Variants in EVI5 observed in about 807,000 individuals in gnomAD.
EVI5 encodes ecotropic viral integration site 5 protein homolog.
EVI5 carries 73 observed loss-of-function variants against 112.0 expected under a neutral mutation model. The ratio of observed to expected loss-of-function variants is 0.65; its 90% CI spans 0.54 to 0.79. The LOEUF is 0.79. Ranked by LOEUF, EVI5 falls within the 30% of genes least tolerant of loss-of-function variation. EVI5 has a pLI of 0.00. For missense variants in EVI5, 900 were observed against 968.8 expected (o/e 0.93, Z 0.94); for synonymous variants, 305 against 319.9 (o/e 0.95, Z 0.50).
chr1:92,777,720 A>AAC (rs1306943899), intron 1 of EVI5, among the ~76,000 whole-genome samples: 1 of 152,180 alleles, frequency 6.6e-6, no homozygotes, highest in Non-Finnish European at 1.5e-5. Context: ...TGGCAGATTG[A>AAC]ACACACACAC....
intron 2 of EVI5, among the ~76,000 whole-genome samples, chr1:92,724,845 A>G (rs895381621): frequency 2.0e-5 from 3 of 152,096 alleles, no homozygotes; most frequent in African/African-American, 7.2e-5. Flanking sequence ...AAGACTTCAG[A>G]CAACAGGCAG....
chr1:92,618,669 A>G (rs1653789841), intron 16 of EVI5, among the ~76,000 whole-genome samples: 1 of 152,202 alleles, frequency 6.6e-6, no homozygotes, highest in African/African-American at 2.4e-5. Flanking sequence ...GAAAAAAAAC[A>G]TGACCTGCTG....
intron 18 of EVI5, among the ~76,000 whole-genome samples, chr1:92,595,269 C>T (rs1427933372): frequency 6.6e-6 from 1 of 151,562 alleles, no homozygotes; most frequent in Non-Finnish European, 1.5e-5. Flanking sequence ...TTTGTAGGGA[C>T]ATGGATGAAG....
intron 1 of EVI5, among the ~76,000 whole-genome samples, chr1:92,752,235 C>T (rs1034455082): frequency 2.0e-5 from 3 of 152,002 alleles, no homozygotes; most frequent in African/African-American, 7.2e-5. Flanking sequence ...AGTACAGTGG[C>T]ACAATCTCAG....
chr1:92,529,214 G>A (rs1308476720), intron 19 of EVI5, among the ~76,000 whole-genome samples: 1 of 152,098 alleles, frequency 6.6e-6, no homozygotes, highest in African/African-American at 2.4e-5. Context: ...TTAGAAATAG[G>A]AAAAGAATAA....
At chr1:92,577,848 A>G (rs1671315933) in intron 18 of EVI5, among the ~76,000 whole-genome samples, 1 of 152,206 alleles carries the variant, frequency 6.6e-6, no homozygotes, top group South Asian at 2.1e-4. Context: ...TAATATCTTC[A>G]TATTCCACGG....
At chr1:92,602,963 T>C (rs1007359821) in intron 18 of EVI5, among the ~76,000 whole-genome samples, 6 of 152,144 alleles carry the variant, frequency 3.9e-5, no homozygotes, top group Non-Finnish European at 2.9e-5. Flanking sequence ...AAGAAAGTGA[T>C]ACTGAGAATA....
chr1:92,675,883 G>A (rs1339012866), intron 10 of EVI5, among the ~76,000 whole-genome samples: 2 of 151,150 alleles, frequency 1.3e-5, no homozygotes, highest in African/African-American at 2.4e-5. Context: ...GTGCACCTGG[G>A]AGGCGGAGCT....
intron 18 of EVI5, among the ~76,000 whole-genome samples, chr1:92,604,637 T>C (rs1258770407): frequency 2.0e-5 from 3 of 152,170 alleles, no homozygotes; most frequent in African/African-American, 7.2e-5. Context: ...CAACAAATAG[T>C]ATAGCAAACA....
chr1:92,565,250 C>T (rs903464886), intron 18 of EVI5, among the ~76,000 whole-genome samples: 1 of 152,152 alleles, frequency 6.6e-6, no homozygotes, highest in Non-Finnish European at 1.5e-5. Flanking sequence ...TATAATCAAA[C>T]ACACATGAAT....
At chr1:92,724,149 C>T (rs1675192290) in intron 2 of EVI5, among the ~76,000 whole-genome samples, 1 of 152,096 alleles carries the variant, frequency 6.6e-6, no homozygotes, top group South Asian at 2.1e-4. Context: ...GTGACCTACT[C>T]CCTGTTCCAC....
At chr1:92,732,717 A>C (rs1388987112) in intron 2 of EVI5, 1 of 153,000 alleles carries the variant, frequency 6.5e-6, no homozygotes, top group Non-Finnish European at 1.5e-5. Flanking sequence ...TGGCCAACAT[A>C]GAGAAACACC....
At chr1:92,706,378 T>C (rs1249892922) in intron 2 of EVI5, among the ~76,000 whole-genome samples, 1 of 152,200 alleles carries the variant, frequency 6.6e-6, no homozygotes, top group Admixed American at 6.5e-5. Flanking sequence ...TTCTAAACCC[T>C]AAGAATTGTA....
intron 9 of EVI5, among the ~76,000 whole-genome samples, 156 bp from the exon 10 acceptor site, chr1:92,677,374 G>C (rs1394856799): frequency 6.6e-6 from 1 of 152,018 alleles, no homozygotes; most frequent in African/African-American, 2.4e-5. Flanking sequence ...AAAATCATGT[G>C]GCTTCATGAG....
chr1:92,686,895 C>A (rs897692930), intron 9 of EVI5, among the ~76,000 whole-genome samples: 5 of 152,132 alleles, frequency 3.3e-5, no homozygotes, highest in Non-Finnish European at 7.4e-5. Flanking sequence ...TAAGAGGACA[C>A]AAACAAACGG....
chr1:92,713,317 G>C (rs1673116657), intron 2 of EVI5, among the ~76,000 whole-genome samples: 1 of 151,090 alleles, frequency 6.6e-6, no homozygotes, highest in Non-Finnish European at 1.5e-5. Flanking sequence ...GTATTGTCTA[G>C]TATTGCCTTT....
chr1:92,544,716 T>C (rs1462571552), intron 19 of EVI5, among the ~76,000 whole-genome samples: 2 of 152,166 alleles, frequency 1.3e-5, no homozygotes, highest in African/African-American at 4.8e-5. Context: ...ATATGTAATA[T>C]AAACATATAG....
chr1:92,710,934 C>T (rs1051766496), intron 2 of EVI5, among the ~76,000 whole-genome samples: 1 of 152,154 alleles, frequency 6.6e-6, no homozygotes, highest in Non-Finnish European at 1.5e-5. Flanking sequence ...AGAACAGCCT[C>T]GGTCTTATCT....
intron 9 of EVI5, among the ~76,000 whole-genome samples, chr1:92,687,211 A>G (rs1668703925): frequency 6.6e-6 from 1 of 152,198 alleles, no homozygotes; most frequent in African/African-American, 2.4e-5. Flanking sequence ...AATGGAACAG[A>G]ACAGAGGCCT....
Sources: allele counts gnomAD v4.1 joint callset (sites outside exome capture counted in the v4.1 genomes callset), GRCh38; gene constraint gnomAD v4.1.1; transcripts MANE v1.5; gene names NCBI Gene and HGNC (gene_info 2026-07-23, HGNC 2026-07-21).